Variants in IRAG2 observed in about 807,000 individuals in gnomAD.
IRAG2 encodes lymphoid restricted membrane protein.
In IRAG2, 45 loss-of-function variants were observed where a neutral mutation model predicts 69.9. The observed-to-expected ratio is 0.64, with a 90% CI of 0.51 to 0.83. The LOEUF (loss-of-function observed/expected upper bound fraction) is 0.83, where lower values mean the gene tolerates loss of function less well. IRAG2 is among the 40% of genes least tolerant of loss of function. The probability of loss-of-function intolerance (pLI) is 0.00; values close to 1 mark genes in which losing one functional copy is unlikely to be tolerated. For missense variants in IRAG2, 520 were observed against 587.0 expected (o/e 0.89, Z 1.18); for synonymous variants, 193 against 202.4 (o/e 0.95, Z 0.40).
At chr12:25,012,272 A>C (rs1343246682) in intron 3 of IRAG2, among the ~76,000 whole-genome samples, 2 of 144,430 alleles carry the variant, frequency 1.4e-5, no homozygotes, top group Non-Finnish European at 3.0e-5. Context: ...CTCCCGCCAC[A>C]CCCTCCAGAG....
intron 6 of IRAG2, among the ~76,000 whole-genome samples, chr12:25,072,108 G>T (rs12229033): frequency 3.3e-5 from 5 of 152,062 alleles, no homozygotes; most frequent in Non-Finnish European, 7.4e-5. Flanking sequence ...GGGAGGCTGA[G>T]GCAGGAGAAT....
chr12:25,090,001 C>G, intron 13 of IRAG2, 56 bp from the exon 14 acceptor site: 1 of 1,559,686 alleles, frequency 6.4e-7, no homozygotes, highest in South Asian at 1.1e-5. Context: ...ACTGAAACAT[C>G]TGACCACATC....
chr12:25,039,576 G>A (rs977747571), intron 16 of IRAG2, among the ~76,000 whole-genome samples: 11 of 152,058 alleles, frequency 7.2e-5, no homozygotes, highest in South Asian at 4.2e-4. Context: ...GACTACAGGC[G>A]CCCGCCACCA....
chr12:25,082,603 A>AAC (rs969638908), intron 9 of IRAG2, among the ~76,000 whole-genome samples: 18 of 70,070 alleles, frequency 2.6e-4, no homozygotes, highest in African/African-American at 7.1e-4. Flanking sequence ...CTGTCTCAAA[A>AAC]AAAAAACAAA....
In IRAG2 at chr12:25,069,474, A is replaced by T. The variant is rs750776743; in HGVS notation, c.24+43A>T. Reference sequence around the variant, plus strand: ...TTTTGGTTTCATTTTCAGTATTACCATATCCTGTTCTTCTTCTATGGGTAT... The same window carrying T: ...TTTTGGTTTCATTTTCAGTATTACCTTATCCTGTTCTTCTTCTATGGGTAT... On this transcript the variant is annotated intron_variant, in intron 6 of 21. Coordinates refer to ENST00000556887, the MANE Select transcript of IRAG2 (RefSeq NM_001366544.2). The T allele has an allele frequency of 6.4e-6, 10 of 1,562,896 alleles. No individual in the cohort carries two copies. The East Asian group carries it at 1.1e-4, about 18-fold the overall frequency.
chr12:25,008,112 T>C (rs944196869), intron 2 of IRAG2, among the ~76,000 whole-genome samples: 1 of 152,210 alleles, frequency 6.6e-6, no homozygotes, highest in South Asian at 2.1e-4. Flanking sequence ...CTATTGATGA[T>C]GAAGGCCTAG....
intron 10 of IRAG2, among the ~76,000 whole-genome samples, chr12:25,030,541 C>T (rs900127049): frequency 2.7e-4 from 41 of 152,258 alleles, no homozygotes; most frequent in African/African-American, 9.4e-4. Context: ...TGTTTTGCCA[C>T]CAAGCCAGCT....
the IRAG2 span, among the ~76,000 whole-genome samples, chr12:24,998,669 T>C: frequency 6.6e-6 from 1 of 151,976 alleles, no homozygotes; most frequent in East Asian, 1.9e-4. Flanking sequence ...GAATCTCTTG[T>C]CTATCTACAC....
upstream of IRAG2, among the ~76,000 whole-genome samples, chr12:25,048,955 G>C (rs547341924): frequency 1.4e-4 from 21 of 152,228 alleles, no homozygotes; most frequent in African/African-American, 5.1e-4. Flanking sequence ...TTGAGGAAGG[G>C]GACCAGTTTC....
intron 6 of IRAG2, among the ~76,000 whole-genome samples, chr12:25,017,528 G>A (rs1178215768): frequency 6.6e-6 from 1 of 151,974 alleles, no homozygotes; most frequent in Non-Finnish European, 1.5e-5. Context: ...GACCAGCCTG[G>A]CCAACATGGT....
At chr12:25,015,174 G>A in intron 3 of IRAG2, 1 of 692,192 alleles carries the variant, frequency 1.4e-6, no homozygotes, top group Non-Finnish European at 1.7e-6. Context: ...TTTTTTTTTT[G>A]GCTACAGGGA....
At position 25,070,442 on chromosome 12, in the gene IRAG2, A is replaced by C. The variant is rs111524375; in HGVS notation, c.24+1011A>C. On this transcript the variant is annotated intron_variant, in intron 6 of 21. Coordinates refer to ENST00000556887, the MANE Select transcript of IRAG2 (RefSeq NM_001366544.2). ...TCTCAGCATAAGGTTCTCAAGATTC[A>C]TCCATGTCATAGCATGATATCAGTA... is the stretch of plus-strand genomic sequence containing the variant. 3.3e-3 allele frequency among the ~76,000 whole-genome samples: 500 copies of C among 152,342 alleles called. 7 individuals are homozygous for C. The highest frequency in any genetic ancestry group is 0.011 in the African/African-American group (471 of 41,574).
chr12:25,015,168 T>TC, intron 3 of IRAG2: 1 of 1,214,636 alleles, frequency 8.2e-7, no homozygotes, highest in Non-Finnish European at 1.0e-6. Flanking sequence ...TTTTTTTTTT[T>TC]TTTTTGGCTA....
chr12:25,072,229 GA>G (rs1264774731), intron 6 of IRAG2, among the ~76,000 whole-genome samples: 1 of 151,700 alleles, frequency 6.6e-6, no homozygotes, highest in East Asian at 1.9e-4. Flanking sequence ...GAAAGAAAAA[GA>G]AAAAAAAGAA....
At chr12:24,997,833 C>A in the IRAG2 span, among the ~76,000 whole-genome samples, 1 of 152,010 alleles carries the variant, frequency 6.6e-6, no homozygotes, top group Non-Finnish European at 1.5e-5. Flanking sequence ...TGAAACAAAT[C>A]TGAAAAGAAA....
intron 9 of IRAG2, among the ~76,000 whole-genome samples, chr12:25,027,305 A>C (rs931593433): frequency 1.3e-5 from 2 of 151,888 alleles, no homozygotes; most frequent in African/African-American, 4.8e-5. Context: ...AAATCATATA[A>C]TATGTTGCCT....
upstream of IRAG2, among the ~76,000 whole-genome samples, chr12:25,051,922 TAACTGGC>T (rs1316532815): frequency 2.6e-5 from 4 of 152,208 alleles, no homozygotes; most frequent in East Asian, 1.9e-4. Flanking sequence ...ATCTTCTGAG[TAACTGGC>T]AACTGGCAAC....
At chr12:25,043,350 T>G (rs1348925611) in intron 16 of IRAG2, among the ~76,000 whole-genome samples, 1 of 151,690 alleles carries the variant, frequency 6.6e-6, no homozygotes, top group Non-Finnish European at 1.5e-5. Flanking sequence ...GGGGGCTGCC[T>G]AAGATACTGG....
In IRAG2 at chr12:25,012,013, C is replaced by A. The variant is rs1591923283; in HGVS notation, c.896+462C>A. Among the ~76,000 whole-genome samples, 4 of 151,606 alleles carry A rather than the reference C, an allele frequency of 2.6e-5. No homozygotes were observed. In the South Asian group the frequency reaches 8.4e-4, roughly 32 times the overall value. On this transcript the variant is annotated intron_variant, in intron 3 of 38. Coordinates refer to the IRAG2 transcript ENST00000636465. ...TTTGGAATCCTAGAATATAGGGAGG[C>A]TAAGGGGAACAAGAAAGAATAGTAG...
Sources: gnomAD v4.1 joint callset for allele counts (sites outside exome capture counted in the v4.1 genomes callset) on GRCh38, gnomAD v4.1.1 for gene constraint, MANE v1.5 for transcripts, NCBI Gene and HGNC (gene_info 2026-07-23, HGNC 2026-07-21) for gene names.